Variants in FBXL17 observed in about 807,000 individuals in gnomAD.
FBXL17 encodes the protein F-box/LRR-repeat protein 17.
A neutral mutation model predicts 66.2 loss-of-function variants in FBXL17; 22 were observed. That is an observed-to-expected ratio of 0.33 (90% CI 0.24 to 0.47). The LOEUF (loss-of-function observed/expected upper bound fraction) is 0.47, where lower values mean the gene tolerates loss of function less well. Among genes scored for constraint, FBXL17 ranks in the 20% least tolerant of loss-of-function variants. FBXL17 has a pLI of 1.00. For synonymous variants in FBXL17, 474 were observed against 400.5 expected (o/e 1.18, Z -2.19); for missense variants, 878 against 948.2 (o/e 0.93, Z 0.97).
At chr5:108,239,705 G>A (rs910476452) in intron 4 of FBXL17, among the ~76,000 whole-genome samples, 1 of 152,074 alleles carries the variant, frequency 6.6e-6, no homozygotes, top group South Asian at 2.1e-4. Context: ...CATGACTCAG[G>A]CAGACACCAC....
chr5:108,179,738 C>T (rs1030399529), intron 6 of FBXL17, among the ~76,000 whole-genome samples: 11 of 152,212 alleles, frequency 7.2e-5, no homozygotes, highest in Admixed American at 3.9e-4. Context: ...ATTCTGTCTC[C>T]GTCTATAACT....
At chr5:108,141,954 G>A (rs1751367202) in intron 6 of FBXL17, among the ~76,000 whole-genome samples, 1 of 152,160 alleles carries the variant, frequency 6.6e-6, no homozygotes, top group Non-Finnish European at 1.5e-5. Flanking sequence ...TTCCAGCAGA[G>A]CTCAATACGT....
chr5:107,899,657 A>G (rs1749504208), intron 7 of FBXL17, among the ~76,000 whole-genome samples: 1 of 152,214 alleles, frequency 6.6e-6, no homozygotes, highest in African/African-American at 2.4e-5. Flanking sequence ...GTGCCCCTAC[A>G]CATTGTTCAA....
chr5:108,115,594 A>C (rs529011511), intron 6 of FBXL17, among the ~76,000 whole-genome samples: 1 of 152,140 alleles, frequency 6.6e-6, no homozygotes, highest in East Asian at 1.9e-4. Context: ...GGAGAAATGC[A>C]GACACAGTAT....
chr5:108,062,911 T>C (rs1056075598), intron 6 of FBXL17, among the ~76,000 whole-genome samples: 2 of 152,126 alleles, frequency 1.3e-5, no homozygotes, highest in Non-Finnish European at 2.9e-5. Flanking sequence ...AAAAGAAAAT[T>C]TGAAGTTCGG....
chr5:108,066,217 C>G (rs1261692437), intron 6 of FBXL17, among the ~76,000 whole-genome samples: 2 of 152,108 alleles, frequency 1.3e-5, no homozygotes, highest in Admixed American at 6.5e-5. Context: ...AGAGATTATT[C>G]AAACTCAGCT....
At chr5:107,869,240 A>G (rs1459619094) in intron 8 of FBXL17, among the ~76,000 whole-genome samples, 1 of 152,176 alleles carries the variant, frequency 6.6e-6, no homozygotes, top group African/African-American at 2.4e-5. Context: ...CTCTGGGACA[A>G]TACGCCTCTG....
chr5:107,874,167 T>C (rs531908561), intron 8 of FBXL17, among the ~76,000 whole-genome samples: 1 of 152,044 alleles, frequency 6.6e-6, no homozygotes, highest in East Asian at 1.9e-4. Flanking sequence ...ATTTAGTGAG[T>C]CCTAATGATT....
chr5:107,881,219 T>C (rs1199802962), intron 7 of FBXL17, 40 bp from the exon 8 acceptor site: 1 of 1,247,304 alleles, frequency 8.0e-7, no homozygotes, highest in Non-Finnish European at 1.1e-6. Flanking sequence ...ATGTTAGCAG[T>C]GTAAGGGAGC....
intron 4 of FBXL17, among the ~76,000 whole-genome samples, chr5:108,248,284 T>C (rs77035068): frequency 0.12 from 18,453 of 152,074 alleles, 1,357 homozygotes; most frequent in Admixed American, 0.16. Flanking sequence ...ATGGAAGTTT[T>C]TGAACTAAAA....
chr5:108,109,788 A>C (rs1458477295), intron 6 of FBXL17, among the ~76,000 whole-genome samples: 2 of 152,182 alleles, frequency 1.3e-5, no homozygotes, highest in Non-Finnish European at 2.9e-5. Flanking sequence ...AATGTATATC[A>C]ATACAAGAGC....
At chr5:108,110,503 T>C (rs1447079807) in intron 6 of FBXL17, among the ~76,000 whole-genome samples, 1 of 152,204 alleles carries the variant, frequency 6.6e-6, no homozygotes, top group East Asian at 1.9e-4. Flanking sequence ...TTTTAATTAA[T>C]GGGCTCTTTT....
chr5:108,009,864 C>T (rs1754109774), intron 7 of FBXL17, among the ~76,000 whole-genome samples: 2 of 152,098 alleles, frequency 1.3e-5, no homozygotes, highest in African/African-American at 4.8e-5. Context: ...AGAATATTAA[C>T]CCCTGATTTT....
At chr5:107,953,032 G>C (rs1751546736) in intron 7 of FBXL17, among the ~76,000 whole-genome samples, 1 of 152,006 alleles carries the variant, frequency 6.6e-6, no homozygotes, top group African/African-American at 2.4e-5. Context: ...TTTGAGTGGA[G>C]AACTCTGAAA....
chr5:108,341,944 G>C (rs1475408262), intron 4 of FBXL17, among the ~76,000 whole-genome samples: 2 of 152,124 alleles, frequency 1.3e-5, no homozygotes, highest in Non-Finnish European at 2.9e-5. Context: ...AGGATTTTCA[G>C]ATTCCTTTCT....
At chr5:108,026,555 C>A (rs577650360) in intron 6 of FBXL17, among the ~76,000 whole-genome samples, 5 of 152,286 alleles carry the variant, frequency 3.3e-5, no homozygotes, top group Non-Finnish European at 7.4e-5. Flanking sequence ...GGTTGACTTG[C>A]AATTAACATG....
At chr5:107,871,069 A>AAAAAACAAAAAC (rs1554080844) in intron 8 of FBXL17, among the ~76,000 whole-genome samples, 1 of 130,174 alleles carries the variant, frequency 7.7e-6, no homozygotes, top group African/African-American at 3.2e-5. Flanking sequence ...AAAAAAAAAA[A>AAAAAACAAAAAC]AAAAAAAAAA....
intron 8 of FBXL17, among the ~76,000 whole-genome samples, chr5:107,867,797 T>C (rs1038054320): frequency 6.6e-6 from 1 of 152,160 alleles, no homozygotes; most frequent in African/African-American, 2.4e-5. Flanking sequence ...GTGTTTAGTA[T>C]CTGGTGCCTC....
chr5:108,328,033 T>C (rs1232020409), intron 4 of FBXL17, among the ~76,000 whole-genome samples: 7 of 152,164 alleles, frequency 4.6e-5, no homozygotes, highest in African/African-American at 1.4e-4. Flanking sequence ...AAATGGTTAA[T>C]ATTGGTGTTG....
Sources: gnomAD v4.1 joint callset for allele counts (sites outside exome capture counted in the v4.1 genomes callset) on GRCh38, gnomAD v4.1.1 for gene constraint, MANE v1.5 for transcripts, NCBI Gene and HGNC (gene_info 2026-07-23, HGNC 2026-07-21) for gene names.